CNTN4: variants seen among roughly 807,000 people sequenced by gnomAD.
The protein encoded by CNTN4 is contactin-4.
CNTN4 carries 77 observed loss-of-function variants against 122.5 expected under a neutral mutation model. The ratio of observed to expected loss-of-function variants is 0.63; its 90% CI spans 0.52 to 0.76. CNTN4 has a LOEUF of 0.76. CNTN4 is among the 30% of genes least tolerant of loss of function. The probability of loss-of-function intolerance (pLI) is 0.00; values close to 1 mark genes in which losing one functional copy is unlikely to be tolerated. For missense variants in CNTN4, 1,256 were observed against 1,259.1 expected (o/e 1.00, Z 0.04); for synonymous variants, 512 against 447.0 (o/e 1.15, Z -1.83).
chr3:2,193,621 A>G (rs966604607), intron 2 of CNTN4, among the ~76,000 whole-genome samples: 17 of 152,208 alleles, frequency 1.1e-4, no homozygotes, highest in African/African-American at 4.1e-4. Context: ...AGATTAGATA[A>G]CATTTCTGTA....
intron 3 of CNTN4, among the ~76,000 whole-genome samples, chr3:2,488,733 A>G (rs1315720308): frequency 6.6e-6 from 1 of 152,198 alleles, no homozygotes; most frequent in East Asian, 1.9e-4. Flanking sequence ...ACAACATGAA[A>G]AGAGGACTTA....
At chr3:2,565,645 C>T (rs1453437600) in intron 3 of CNTN4, among the ~76,000 whole-genome samples, 1 of 152,172 alleles carries the variant, frequency 6.6e-6, no homozygotes, top group East Asian at 1.9e-4. Context: ...TCATATTTTG[C>T]ATTTTACCAA....
At chr3:3,021,509 T>A (rs534886396) in intron 14 of CNTN4, among the ~76,000 whole-genome samples, 1 of 152,228 alleles carries the variant, frequency 6.6e-6, no homozygotes, top group South Asian at 2.1e-4. Context: ...CTATAAAAAC[T>A]AATTTAAGGA....
At chr3:2,626,732 A>G (rs141702376) in intron 4 of CNTN4, among the ~76,000 whole-genome samples, 91 of 152,310 alleles carry the variant, frequency 6.0e-4, no homozygotes, top group African/African-American at 2.2e-3. Flanking sequence ...GCATCTTTAG[A>G]TAATAAAAGT....
At chr3:2,919,455 C>T (rs906982577) in intron 12 of CNTN4, among the ~76,000 whole-genome samples, 5 of 151,944 alleles carry the variant, frequency 3.3e-5, no homozygotes, top group South Asian at 2.1e-4. Context: ...TATCAAGCAC[C>T]GTGCCAGGCC....
At chr3:2,322,422 C>T (rs531313322) in intron 2 of CNTN4, among the ~76,000 whole-genome samples, 2 of 152,168 alleles carry the variant, frequency 1.3e-5, no homozygotes, top group Admixed American at 1.3e-4. Flanking sequence ...CACTAACTGA[C>T]TGAAATAAGC....
intron 13 of CNTN4, among the ~76,000 whole-genome samples, chr3:2,952,125 G>T (rs1418341250): frequency 6.6e-6 from 1 of 152,172 alleles, no homozygotes. Flanking sequence ...TAAAGCAAAG[G>T]CAGAAATACT....
At chr3:3,006,175 C>A (rs1000540458) in intron 14 of CNTN4, among the ~76,000 whole-genome samples, 1 of 152,094 alleles carries the variant, frequency 6.6e-6, no homozygotes, top group Non-Finnish European at 1.5e-5. Flanking sequence ...CGCGCCCAGC[C>A]CACGCTGTGT....
intron 3 of CNTN4, among the ~76,000 whole-genome samples, chr3:2,559,518 G>C (rs922713027): frequency 1.3e-5 from 2 of 151,710 alleles, no homozygotes; most frequent in Admixed American, 6.6e-5. Flanking sequence ...GTAAGCATTT[G>C]GTAATCTGTC....
At chr3:2,157,053 G>C (rs1428370468) in intron 2 of CNTN4, among the ~76,000 whole-genome samples, 1 of 152,146 alleles carries the variant, frequency 6.6e-6, no homozygotes, top group East Asian at 1.9e-4. Flanking sequence ...TTACCAAATA[G>C]ATTTCATTGT....
intron 2 of CNTN4, among the ~76,000 whole-genome samples, chr3:2,306,668 C>G (rs1233621507): frequency 1.3e-5 from 2 of 152,006 alleles, no homozygotes; most frequent in Non-Finnish European, 2.9e-5. Context: ...CAACCTTAAA[C>G]TTTTACAAGG....
At chr3:2,289,598 A>G (rs1355732103) in intron 2 of CNTN4, among the ~76,000 whole-genome samples, 3 of 152,210 alleles carry the variant, frequency 2.0e-5, no homozygotes, top group African/African-American at 4.8e-5. Flanking sequence ...ATTGGATTAC[A>G]TAAGATGGTC....
chr3:3,051,055 T>C (rs1701217597), intron 23 of CNTN4, among the ~76,000 whole-genome samples: 1 of 152,176 alleles, frequency 6.6e-6, no homozygotes, highest in Non-Finnish European at 1.5e-5. Context: ...AAGATGTTTT[T>C]TGCAATTTTT....
chr3:2,781,497 TGAG>T (rs1247792125), intron 6 of CNTN4, among the ~76,000 whole-genome samples: 3 of 152,026 alleles, frequency 2.0e-5, no homozygotes, highest in Non-Finnish European at 4.4e-5. Flanking sequence ...TTGAAATACT[TGAG>T]GAGATATATT....
chr3:2,981,426 A>C (rs1577490962), intron 13 of CNTN4, among the ~76,000 whole-genome samples: 1 of 152,098 alleles, frequency 6.6e-6, no homozygotes, highest in Non-Finnish European at 1.5e-5. Context: ...CCTGGGCGAC[A>C]GAGCGAGACT....
At chr3:2,350,172 G>C (rs765180054) in intron 3 of CNTN4, among the ~76,000 whole-genome samples, 9 of 152,182 alleles carry the variant, frequency 5.9e-5, no homozygotes, top group African/African-American at 1.4e-4. Flanking sequence ...GGAGAATGAA[G>C]TTTTAAAAGG....
chr3:2,331,784 G>A (rs1297278900), intron 2 of CNTN4, among the ~76,000 whole-genome samples: 3 of 152,168 alleles, frequency 2.0e-5, no homozygotes, highest in African/African-American at 7.2e-5. Flanking sequence ...GTTGAATGAA[G>A]GTTGCCAGGT....
intron 3 of CNTN4, among the ~76,000 whole-genome samples, chr3:2,502,007 A>C (rs2076607307): frequency 6.6e-6 from 1 of 152,184 alleles, no homozygotes; most frequent in Non-Finnish European, 1.5e-5. Flanking sequence ...TACATATAAA[A>C]CAAAAATTAA....
intron 16 of CNTN4, 34 bp downstream of exon 16, chr3:3,031,009 A>T (rs1699114230): frequency 6.2e-7 from 1 of 1,613,610 alleles, no homozygotes; most frequent in South Asian, 1.1e-5. Flanking sequence ...TGTTCTTGAA[A>T]TATTTTCATG....
Sources: gnomAD v4.1 joint callset for allele counts (sites outside exome capture counted in the v4.1 genomes callset) on GRCh38, gnomAD v4.1.1 for gene constraint, MANE v1.5 for transcripts, NCBI Gene and HGNC (gene_info 2026-07-23, HGNC 2026-07-21) for gene names.